The following KIF3C variants were observed in gnomAD, a reference collection of about 807,000 sequenced individuals.
The protein encoded by KIF3C is kinesin-like protein KIF3C.
KIF3C carries 12 observed loss-of-function variants against 67.7 expected under a neutral mutation model. The observed-to-expected ratio is 0.18, with a 90% confidence interval of 0.11 to 0.29. The LOEUF (loss-of-function observed/expected upper bound fraction) is 0.29. Ranked by LOEUF, KIF3C falls within the 10% of genes least tolerant of loss-of-function variation. The pLI, the probability that KIF3C is intolerant of heterozygous loss-of-function variation, is 1.00. For missense variants in KIF3C, 789 were observed against 1,059.6 expected (o/e 0.74, Z 3.55); for synonymous variants, 393 against 426.2 (o/e 0.92, Z 0.96).
At position 25,980,381 on chromosome 2, in the gene KIF3C, T is replaced by C. The variant is rs1664532318; in HGVS notation, c.1537A>G (p.Lys513Glu). Residue 513 changes from lysine to glutamate, a missense_variant, in exon 1 of 8, where the codon AAG (lysine) becomes GAG (glutamate). Lys to Glu is a moderately conservative substitution (Grantham distance 56). Coordinates refer to ENST00000264712, the MANE Select transcript of KIF3C (RefSeq NM_002254.8). The surrounding 1 kb of genome is among the most constrained non-coding windows in gnomAD (Gnocchi z 7.6). ...EQQATELLAA[K>E]YKAMESKLLI... ...TCCTCTGGGGCCCTTACCTTGTACTTGGCCGCAAGCAGCTCTGTGGCCTGC... is the reference window on the plus strand; with the variant it reads ...TCCTCTGGGGCCCTTACCTTGTACTCGGCCGCAAGCAGCTCTGTGGCCTGC... The C allele has an allele frequency of 9.3e-6, 15 of 1,612,692 alleles. No homozygotes were observed. The highest frequency in any genetic ancestry group is 1.3e-5 in the Non-Finnish European group (15 of 1,179,278).
chr2:25,961,996 G>A (rs1419946513), intron 1 of KIF3C, among the ~76,000 whole-genome samples: 1 of 150,444 alleles, frequency 6.6e-6, no homozygotes, highest in Admixed American at 6.6e-5. Flanking sequence ...GAAAAGTTAA[G>A]AGGATAAGTC....
Position 25,929,967 on chromosome 2 carries a change from G to T in KIF3C, c.2103C>A (p.His701Gln), listed in dbSNP as rs779798308. 6.2e-7 allele frequency: 1 copy of T among 1,612,304 alleles called. No homozygotes were observed. The highest frequency in any genetic ancestry group is 1.1e-5 in the South Asian group (1 of 91,044). Residue 701 changes from histidine (H) to glutamine (Q), a missense_variant, in exon 6 of 8, where the codon CAC (histidine) becomes CAA (glutamine). His to Gln is a conservative substitution (Grantham distance 24, BLOSUM62 0). Around this residue, in one of 2 missense-constraint regions of KIF3C, gnomAD observed 648 missense variants for 807.8 expected, o/e 0.80. Transcript: ENST00000264712. Reference sequence around the variant, plus strand: ...CTCCGCTTCTTACCCTGTACCTGGGGTGGGACCCCATTGCCATGGCAACCC... The same window carrying T: ...CTCCGCTTCTTACCCTGTACCTGGGTTGGGACCCCATTGCCATGGCAACCC... Reference protein sequence around the residue: ...YARVAMAMGSHPRYRAENIMF... With the variant: ...YARVAMAMGSQPRYRAENIMF...
At position 25,980,377 on chromosome 2, in the gene KIF3C, T is replaced by C; in HGVS notation, c.1541A>G (p.Tyr514Cys). Residue 514 changes from tyrosine to cysteine, a missense_variant, in exon 1 of 8, where the codon TAC becomes TGC. Around this residue, in one of 2 missense-constraint regions of KIF3C, gnomAD observed 648 missense variants for 807.8 expected, o/e 0.80. Transcript: ENST00000264712. The surrounding 1 kb of genome is among the most constrained non-coding windows in gnomAD (Gnocchi z 7.6). ...QQATELLAAKYKAMESKLLIG... is the reference protein window; with the variant it reads ...QQATELLAAKCKAMESKLLIG... Reference sequence around the variant, plus strand: ...CAGCTCCTCTGGGGCCCTTACCTTGTACTTGGCCGCAAGCAGCTCTGTGGC... The same window carrying C: ...CAGCTCCTCTGGGGCCCTTACCTTGCACTTGGCCGCAAGCAGCTCTGTGGC... The C allele has an allele frequency of 6.2e-7, 1 of 1,612,482 alleles. No individual in the cohort carries two copies. The highest frequency in any genetic ancestry group is 8.5e-7 in the Non-Finnish European group (1 of 1,179,100).
chr2:25,975,026 CA>C lies in KIF3C; in HGVS notation c.1545+5346del, dbSNP rs1196962529. On this transcript the variant is annotated intron_variant, in intron 1 of 7. Transcript: ENST00000264712. ...GGGCAACAAAAGTGAAACTCCATCT[CA>C]AAAAAAAAAAAAATGAGACCCAATC... Among the ~76,000 whole-genome samples the C allele has an allele frequency of 2.5e-3, 296 of 116,306 alleles. 3 individuals are homozygous for C. Among genetic ancestry groups the C allele is most frequent in the Admixed American group, 3.1e-3 (37 of 11,840 alleles). The allele number at this position is 116,306 out of a possible 152,430, so 76.3% of individuals were successfully genotyped here. A position where few individuals can be genotyped will look rare whatever the true frequency, so the allele number is the denominator to read the frequency against.
chr2:25,947,438 G>A (rs554647041), intron 5 of KIF3C, among the ~76,000 whole-genome samples: 2 of 151,392 alleles, frequency 1.3e-5, no homozygotes, highest in African/African-American at 2.4e-5. Flanking sequence ...AAAATTAGCC[G>A]GGTGTGGTGG....
At chr2:25,941,432 A>T (rs905515581) in intron 5 of KIF3C, among the ~76,000 whole-genome samples, 9 of 151,698 alleles carry the variant, frequency 5.9e-5, no homozygotes, top group African/African-American at 2.2e-4. Context: ...CACATATATC[A>T]CCCTTTAGAA....
chr2:25,966,616 G>A (rs1664146629), intron 1 of KIF3C, among the ~76,000 whole-genome samples: 1 of 152,172 alleles, frequency 6.6e-6, no homozygotes. Context: ...CCAGAGCGGG[G>A]AGAAAGGAGG....
intron 1 of KIF3C, among the ~76,000 whole-genome samples, chr2:25,962,975 A>T (rs1260059479): frequency 7.0e-5 from 3 of 43,160 alleles, no homozygotes; most frequent in Non-Finnish European, 9.8e-5. Context: ...ATAATATATA[A>T]TATATAATAT....
chr2:25,973,284 T>A (rs969064968), intron 1 of KIF3C, among the ~76,000 whole-genome samples: 42 of 152,226 alleles, frequency 2.8e-4, no homozygotes, highest in African/African-American at 1.0e-3. Flanking sequence ...TCAGGCACGG[T>A]GGCTCATGCC....
chr2:25,938,003 G>A (rs1219623984), intron 5 of KIF3C, among the ~76,000 whole-genome samples: 2 of 151,876 alleles, frequency 1.3e-5, no homozygotes, highest in Non-Finnish European at 2.9e-5. Flanking sequence ...TGAGTGAACC[G>A]AGATCATGCC....
Position 25,929,021 on chromosome 2 carries a change from G to A in KIF3C, c.2339C>T (p.Ala780Val), listed in dbSNP as rs575205297. Residue 780 changes from alanine (A) to valine (V), a missense_variant, in exon 8 of 8, where the codon GCC (alanine) becomes GTC (valine). By Grantham distance (64) the Ala-to-Val change is moderately conservative (BLOSUM62 0). Transcript: ENST00000264712. ...TGTTGCAGGGCGCAGAGAAGCAGAG[G>A]CCAGGGAGGCATGTGTGGTGGAAGG... is the stretch of plus-strand genomic sequence containing the variant. The part of the protein sequence containing the change: ...PPPSTTHASL[A>V]SASLRPATVA... 1.2e-6 allele frequency: 2 copies of A among 1,613,898 alleles called. No individual in the cohort carries two copies. The highest frequency in any genetic ancestry group is 2.7e-5 in the African/African-American group (2 of 75,060).
At chr2:25,952,020 G>C (rs1663629151) in intron 4 of KIF3C, 115 bp from the exon 5 acceptor site, 2 of 720,556 alleles carry the variant, frequency 2.8e-6, no homozygotes, top group African/African-American at 1.7e-5. Flanking sequence ...GGCTGGGCAC[G>C]GTGGCTCACG....
In KIF3C at chr2:25,956,523, G is replaced by C. The variant is rs1439753456; in HGVS notation, c.1546-79C>G. 6 of 1,075,378 alleles carry C rather than the reference G, an allele frequency of 5.6e-6. No homozygotes were observed. In the Admixed American group the frequency reaches 1.1e-4, roughly 20 times the overall value. The allele number at this position is 1,075,378 out of a possible 1,614,324, so 66.6% of individuals were successfully genotyped here. Reference sequence around the variant, plus strand: ...CTAGCTGGAGAGATTTTGCTTCCCTGCTCTGTGGTCCTTCTGGGAGTGGAC... The same window carrying C: ...CTAGCTGGAGAGATTTTGCTTCCCTCCTCTGTGGTCCTTCTGGGAGTGGAC... On this transcript the variant is annotated intron_variant, in intron 1 of 7. Transcript: ENST00000264712.
intron 1 of KIF3C, among the ~76,000 whole-genome samples, chr2:25,963,678 TATTATTA>T (rs1208310595): frequency 3.5e-5 from 4 of 114,032 alleles, no homozygotes; most frequent in Non-Finnish European, 7.3e-5. Context: ...TTATTATTAT[TATTATTA>T]TTATTATTAT....
At chr2:25,937,454 G>A (rs1357344398) in intron 5 of KIF3C, among the ~76,000 whole-genome samples, 3 of 152,340 alleles carry the variant, frequency 2.0e-5, no homozygotes, top group Middle Eastern at 3.4e-3. Context: ...TGAGCTTACA[G>A]GATGCCGGGA....
chr2:25,955,744 T>G lies in KIF3C; in HGVS notation c.1648-81A>C. The G allele has an allele frequency of 6.5e-7, 1 of 1,530,592 alleles. No individual in the cohort carries two copies. Among genetic ancestry groups the G allele is most frequent in the South Asian group, 1.2e-5 (1 of 83,808 alleles). 94.8% of individuals were successfully genotyped at this position (1,530,592 alleles called of 1,614,324 possible). A position where few individuals can be genotyped will look rare whatever the true frequency, so the allele number is the denominator to read the frequency against. ...AGGAAAGCTCAGGGGACTGGCTCAC[T>G]CTGCCTGTCTCGGGACCTGGCTTCA... On this transcript the variant is annotated intron_variant, in intron 2 of 7. Transcript: ENST00000264712. The surrounding 1 kb of genome is among the most constrained non-coding windows in gnomAD (Gnocchi z 5.0).
At chr2:25,944,645 C>A (rs2149227636) in intron 5 of KIF3C, among the ~76,000 whole-genome samples, 1 of 152,158 alleles carries the variant, frequency 6.6e-6, no homozygotes, top group South Asian at 2.1e-4. Flanking sequence ...GCCACTGTAC[C>A]CAGCCTATAA....
rs752919675 is a variant in KIF3C, at chr2:25,929,942, C to G, written c.2115+13G>C. 1.3e-6 allele frequency: 2 copies of G among 1,588,004 alleles called. No homozygotes were observed. Among genetic ancestry groups the G allele is most frequent in the South Asian group, 2.2e-5 (2 of 90,552 alleles). ...CCCTCCCGTAGGCTCTTTCTCCCCT[C>G]TCCGCTTCTTACCCTGTACCTGGGG... On this transcript the variant is annotated intron_variant, in intron 6 of 7. Coordinates refer to ENST00000264712, the MANE Select transcript of KIF3C (RefSeq NM_002254.8).
chr2:25,964,405 T>C lies in KIF3C; in HGVS notation c.1546-7961A>G, dbSNP rs1169031520. Reference sequence around the variant, plus strand: ...CTCCATACCTTTAAGGTGGTCTTTGTGGAGGCCTGAGCTTTCCTTTCCCAA... The same window carrying C: ...CTCCATACCTTTAAGGTGGTCTTTGCGGAGGCCTGAGCTTTCCTTTCCCAA... On this transcript the variant is annotated intron_variant, in intron 1 of 7. Transcript: ENST00000264712. 2.0e-5 allele frequency among the ~76,000 whole-genome samples: 3 copies of C among 152,214 alleles called. No homozygotes were observed. The East Asian group carries it at 5.8e-4, about 29-fold the overall frequency.
Sources: allele counts gnomAD v4.1 joint callset (sites outside exome capture counted in the v4.1 genomes callset), GRCh38; gene constraint gnomAD v4.1.1; regional missense constraint gnomAD v4.1.1; non-coding constraint Gnocchi (gnomAD v3.1); transcripts MANE v1.5; gene names NCBI Gene and HGNC (gene_info 2026-07-23, HGNC 2026-07-21).